CLNK: variants seen among roughly 807,000 people sequenced by gnomAD.
The protein encoded by CLNK is cytokine-dependent hematopoietic cell linker.
CLNK carries 74 observed loss-of-function variants against 68.6 expected under a neutral mutation model. The observed-to-expected ratio is 1.08, with a 90% CI of 0.89 to 1.31. CLNK has a LOEUF of 1.31. CLNK is among the 50% of genes most tolerant of loss of function. The pLI, the probability that CLNK is intolerant of heterozygous loss-of-function variation, is 0.00. For synonymous variants in CLNK, 198 were observed against 172.2 expected (o/e 1.15, Z -1.17); for missense variants, 553 against 515.3 (o/e 1.07, Z -0.71).
intron 7 of CLNK, among the ~76,000 whole-genome samples, chr4:10,562,189 C>T (rs1719922092): frequency 6.6e-6 from 1 of 150,746 alleles, no homozygotes; most frequent in Non-Finnish European, 1.5e-5. Context: ...CAGCCTCGAC[C>T]TCCCAGGCTC....
intron 16 of CLNK, among the ~76,000 whole-genome samples, chr4:10,511,932 A>T (rs956158110): frequency 3.3e-5 from 5 of 152,236 alleles, no homozygotes; most frequent in Admixed American, 2.0e-4. Context: ...TAAAAAAATT[A>T]ACCAGAGTAG....
the CLNK span, among the ~76,000 whole-genome samples, chr4:10,690,002 G>A: frequency 6.6e-6 from 1 of 152,100 alleles, no homozygotes; most frequent in Non-Finnish European, 1.5e-5. Flanking sequence ...ACTTTTGAAA[G>A]TGGAATCTCC....
intron 3 of CLNK, among the ~76,000 whole-genome samples, chr4:10,588,483 A>T (rs1214109167): frequency 6.6e-6 from 1 of 152,190 alleles, no homozygotes; most frequent in African/African-American, 2.4e-5. Flanking sequence ...AAGTCTTCTG[A>T]CATCTAAAAA....
chr4:10,657,124 C>T (rs910709614), intron 2 of CLNK, among the ~76,000 whole-genome samples: 3 of 152,154 alleles, frequency 2.0e-5, no homozygotes, highest in Non-Finnish European at 4.4e-5. Flanking sequence ...TTAACTTTCT[C>T]AAGAACTCAT....
the CLNK span, among the ~76,000 whole-genome samples, chr4:10,702,115 C>G: frequency 6.6e-6 from 1 of 152,122 alleles, no homozygotes; most frequent in East Asian, 1.9e-4. Flanking sequence ...CAATGAGAAG[C>G]CATTGAAGAT....
intron 16 of CLNK, among the ~76,000 whole-genome samples, chr4:10,510,377 A>G (rs1056152232): frequency 9.2e-5 from 14 of 152,324 alleles, no homozygotes; most frequent in African/African-American, 3.4e-4. Flanking sequence ...CCTTATGCTG[A>G]CAGCCATTAG....
intron 2 of CLNK, among the ~76,000 whole-genome samples, chr4:10,610,575 T>A (rs1721975810): frequency 6.6e-6 from 1 of 152,074 alleles, no homozygotes. Context: ...TTCAAATGCT[T>A]TCTCCTTTTT....
chr4:10,508,662 A>G (rs1399361586), intron 16 of CLNK, among the ~76,000 whole-genome samples: 5 of 152,188 alleles, frequency 3.3e-5, no homozygotes, highest in African/African-American at 1.2e-4. Flanking sequence ...GGTTCCGAGA[A>G]TCATAATATT....
At position 10,525,844 on chromosome 4, in the gene CLNK, C is replaced by T; in HGVS notation, c.728G>A (p.Ser243Asn). Residue 243 changes from serine to asparagine, a missense_variant, in exon 14 of 19, where the codon AGC becomes AAC. By Grantham distance (46) the Ser-to-Asn change is conservative. Transcript: ENST00000226951. ...QNTQEIPLAI[S>N]SSSFTTSNHS... ...GAAAGGATTCCTGGCTCCTTACCTG[C>T]TAATGGCAAGTGGAATCTCTTGAGT... 6.4e-7 allele frequency: 1 copy of T among 1,574,490 alleles called. No homozygotes were observed. The highest frequency in any genetic ancestry group is 8.7e-7 in the Non-Finnish European group (1 of 1,155,956).
the CLNK span, among the ~76,000 whole-genome samples, chr4:10,702,615 G>C: frequency 6.6e-6 from 1 of 152,182 alleles, no homozygotes; most frequent in African/African-American, 2.4e-5. Context: ...TATTTCTCAG[G>C]AAAGAGCATT....
At chr4:10,569,395 C>T (rs1720254582) in intron 5 of CLNK, among the ~76,000 whole-genome samples, 1 of 152,150 alleles carries the variant, frequency 6.6e-6, no homozygotes, top group Non-Finnish European at 1.5e-5. Flanking sequence ...CAAATGCACA[C>T]ACTGAGGAAA....
the CLNK span, among the ~76,000 whole-genome samples, chr4:10,727,762 T>C: frequency 0.43 from 65,495 of 152,014 alleles, 14,895 homozygotes; most frequent in East Asian, 0.69. Flanking sequence ...ACTGGAGATG[T>C]AAATAATGGA....
chr4:10,663,952 T>A (rs182419558), intron 2 of CLNK, among the ~76,000 whole-genome samples: 1 of 152,250 alleles, frequency 6.6e-6, no homozygotes, highest in Non-Finnish European at 1.5e-5. Flanking sequence ...CAGGAAGCAC[T>A]CTCACCAGAC....
At chr4:10,625,860 T>C (rs902030689) in intron 2 of CLNK, among the ~76,000 whole-genome samples, 4 of 152,186 alleles carry the variant, frequency 2.6e-5, no homozygotes, top group African/African-American at 9.7e-5. Flanking sequence ...CCAATGTAGC[T>C]CAAGGCTGAG....
chr4:10,607,995 G>A (rs1377005781), intron 2 of CLNK, among the ~76,000 whole-genome samples: 9 of 152,186 alleles, frequency 5.9e-5, no homozygotes, highest in Admixed American at 5.9e-4. Context: ...AGGAATAAGA[G>A]TGCTGAATCA....
chr4:10,585,428 T>C (rs1384573990), intron 3 of CLNK, among the ~76,000 whole-genome samples: 1 of 152,238 alleles, frequency 6.6e-6, no homozygotes, highest in Non-Finnish European at 1.5e-5. Flanking sequence ...GTTCGAACTG[T>C]GTTCAAATCA....
intron 3 of CLNK, 120 bp downstream of exon 3, chr4:10,597,858 C>T: frequency 1.4e-6 from 1 of 708,234 alleles, no homozygotes; most frequent in Admixed American, 2.4e-5. Context: ...TCTGTCTGAC[C>T]TCTAAGTCAC....
chr4:10,552,499 C>T (rs760383416), intron 8 of CLNK, among the ~76,000 whole-genome samples: 1 of 152,082 alleles, frequency 6.6e-6, no homozygotes, highest in Admixed American at 6.5e-5. Context: ...TTTTTGCATG[C>T]GTGTCTGACA....
intron 2 of CLNK, among the ~76,000 whole-genome samples, chr4:10,654,015 T>A (rs1321611043): frequency 6.9e-6 from 1 of 144,530 alleles, no homozygotes; most frequent in Non-Finnish European, 1.5e-5. Flanking sequence ...AAGATCAGTT[T>A]GCTGAGAAAG....
Sources: allele counts gnomAD v4.1 joint callset (sites outside exome capture counted in the v4.1 genomes callset), GRCh38; gene constraint gnomAD v4.1.1; transcripts MANE v1.5; gene names NCBI Gene and HGNC (gene_info 2026-07-23, HGNC 2026-07-21).